CAMTA1: variants seen among roughly 807,000 people sequenced by gnomAD.
The protein encoded by CAMTA1 is calmodulin-binding transcription activator 1.
A neutral mutation model predicts 170.9 loss-of-function variants in CAMTA1; 27 were observed. That is an observed-to-expected ratio of 0.16 (90% CI 0.12 to 0.22). The LOEUF (loss-of-function observed/expected upper bound fraction) is 0.22, where lower values mean the gene tolerates loss of function less well. Ranked by LOEUF, CAMTA1 falls within the 10% of genes least tolerant of loss-of-function variation. The pLI is 1.00. For missense variants in CAMTA1, 1,619 were observed against 2,217.2 expected (o/e 0.73, Z 5.42); for synonymous variants, 833 against 891.5 (o/e 0.93, Z 1.17).
At chr1:6,889,711 G>T (rs1276312503) in intron 3 of CAMTA1, among the ~76,000 whole-genome samples, 1 of 152,120 alleles carries the variant, frequency 6.6e-6, no homozygotes, top group African/African-American at 2.4e-5. Context: ...TTTTCTTGGC[G>T]CTCTTATATT....
intron 4 of CAMTA1, among the ~76,000 whole-genome samples, chr1:7,108,306 G>C (rs189089171): frequency 4.9e-4 from 75 of 152,264 alleles, no homozygotes; most frequent in African/African-American, 1.7e-3. Context: ...TGGGAGTAAT[G>C]ATAGTACATA....
At chr1:7,181,519 A>G (rs1377400701) in intron 4 of CAMTA1, among the ~76,000 whole-genome samples, 1 of 152,166 alleles carries the variant, frequency 6.6e-6, no homozygotes, top group African/African-American at 2.4e-5. Context: ...AAATTAAACA[A>G]TAAAATCATT....
intron 6 of CAMTA1, among the ~76,000 whole-genome samples, chr1:7,595,452 TA>T (rs969198128): frequency 6.6e-6 from 1 of 152,222 alleles, no homozygotes; most frequent in Non-Finnish European, 1.5e-5. Flanking sequence ...CTTAGTGCCT[TA>T]ATTTGGTTCT....
intron 5 of CAMTA1, among the ~76,000 whole-genome samples, chr1:7,387,083 C>A (rs1207238797): frequency 2.0e-5 from 3 of 152,160 alleles, no homozygotes; most frequent in African/African-American, 7.2e-5. Context: ...GGCTCTCTTC[C>A]TGGGTCTGTC....
rs564764448 is a variant in CAMTA1, at chr1:7,251,707, C to T, written c.438+2081C>T. The stretch of plus-strand genomic sequence containing the variant: ...GGTCAAGTTGAAGAGGCTTGAAGTA[C>T]GTGAGGGTCATCAATAGTGCTGAGA... On this transcript the variant is annotated intron_variant, in intron 5 of 22. Coordinates refer to ENST00000303635, the MANE Select transcript of CAMTA1 (RefSeq NM_015215.4). This position sits in a 1 kb window ranked among gnomAD's most constrained non-coding sequence, Gnocchi z 5.1. 1.1e-4 allele frequency among the ~76,000 whole-genome samples: 16 copies of T among 152,250 alleles called. No individual in the cohort carries two copies. Among genetic ancestry groups the T allele is most frequent in the Middle Eastern group, 3.4e-3 (1 of 294 alleles).
chr1:7,225,557 C>T lies in CAMTA1; in HGVS notation c.303-23934C>T, dbSNP rs1411503635. On this transcript the variant is annotated intron_variant, in intron 4 of 22. Coordinates refer to ENST00000303635, the MANE Select transcript of CAMTA1 (RefSeq NM_015215.4). ...TGTGGGTGGGGTGTTGCTGAGAACA[C>T]CTGGGAGGGTCCATCAACAACCCAT... Among the ~76,000 whole-genome samples the T allele has an allele frequency of 2.6e-5, 4 of 152,170 alleles. No homozygotes were observed. The East Asian group carries it at 7.7e-4, about 29-fold the overall frequency.
chr1:7,315,960 T>C (rs1677430827), intron 5 of CAMTA1, among the ~76,000 whole-genome samples: 1 of 152,190 alleles, frequency 6.6e-6, no homozygotes, highest in Non-Finnish European at 1.5e-5. Context: ...TCCATATGGC[T>C]GGGGAGGCCT....
At chr1:7,669,258 CT>C (rs2096032767) in intron 9 of CAMTA1, among the ~76,000 whole-genome samples, 1 of 152,242 alleles carries the variant, frequency 6.6e-6, no homozygotes, top group Non-Finnish European at 1.5e-5. Flanking sequence ...GTGGAATATG[CT>C]TTCCAGCCTG....
intron 5 of CAMTA1, among the ~76,000 whole-genome samples, chr1:7,266,121 T>G (rs1279356482): frequency 6.6e-6 from 1 of 152,250 alleles, no homozygotes; most frequent in African/African-American, 2.4e-5. Context: ...TAAATTTGCC[T>G]TCATTGCTTA....
At chr1:6,959,215 A>G (rs974296836) in intron 3 of CAMTA1, among the ~76,000 whole-genome samples, 2 of 152,236 alleles carry the variant, frequency 1.3e-5, no homozygotes, top group African/African-American at 4.8e-5. Flanking sequence ...ATTTGTACAC[A>G]GTGTGTTCTG....
rs1237463801 is a variant in CAMTA1 at position 7,664,478 on chromosome 1, T to C, written c.1931T>C (p.Met644Thr). ...SLSDSGGTFV[M>T]PTVKTEASSQ... is the part of the protein sequence containing the mutation. ...AGTGACTCTGGGGGCACCTTCGTGATGCCCACGGTGAAAACGGAGGCCTCG... is the reference window on the plus strand; with the variant it reads ...AGTGACTCTGGGGGCACCTTCGTGACGCCCACGGTGAAAACGGAGGCCTCG... The change falls in exon 9 of 23, where the codon ATG (methionine) becomes ACG (threonine). Residue 644 changes from methionine to threonine, a missense_variant. Met to Thr is a moderately conservative substitution (Grantham distance 81, BLOSUM62 -1). Around this residue, in one of 8 missense-constraint regions of CAMTA1, gnomAD observed 731 missense variants for 907.6 expected, o/e 0.81. Coordinates refer to ENST00000303635, the MANE Select transcript of CAMTA1 (RefSeq NM_015215.4). 1 of 1,613,354 alleles carries C rather than the reference T, an allele frequency of 6.2e-7. No individual in the cohort carries two copies. Among genetic ancestry groups the C allele is most frequent in the South Asian group, 1.1e-5 (1 of 91,088 alleles).
chr1:7,370,388 TGCAGAAC>T (rs2086349305), intron 5 of CAMTA1: 1 of 152,236 alleles, frequency 6.6e-6, no homozygotes, highest in Admixed American at 6.5e-5. Flanking sequence ...TGTTTTATAG[TGCAGAAC>T]GTTTTTCTGC....
chr1:7,165,684 G>A (rs574411614), intron 4 of CAMTA1, among the ~76,000 whole-genome samples: 1 of 152,150 alleles, frequency 6.6e-6, no homozygotes, highest in Non-Finnish European at 1.5e-5. Flanking sequence ...CACCCGTCTC[G>A]TCCTCCCAAA....
chr1:6,811,569 C>G (rs1645167710), intron 1 of CAMTA1, among the ~76,000 whole-genome samples: 1 of 152,264 alleles, frequency 6.6e-6, no homozygotes, highest in East Asian at 1.9e-4. Context: ...ATTTTTTCCC[C>G]TCCGATTTGT....
intron 7 of CAMTA1, among the ~76,000 whole-genome samples, chr1:7,654,170 C>T (rs2095864454): frequency 1.3e-5 from 2 of 151,846 alleles, no homozygotes; most frequent in South Asian, 4.2e-4. Context: ...CACTTGAGGT[C>T]AGGAGTTCAA....
intron 7 of CAMTA1, among the ~76,000 whole-genome samples, chr1:7,657,268 A>G (rs1338235677): frequency 6.6e-5 from 10 of 152,210 alleles, no homozygotes; most frequent in Middle Eastern, 3.4e-3. Flanking sequence ...CCACCACCTG[A>G]GCAGACCAGG....
At chr1:6,864,439 C>T (rs1273216389) in intron 3 of CAMTA1, among the ~76,000 whole-genome samples, 2 of 152,188 alleles carry the variant, frequency 1.3e-5, no homozygotes, top group Non-Finnish European at 2.9e-5. Flanking sequence ...CAGTGGTACT[C>T]TTGTTCCCAA....
intron 3 of CAMTA1, among the ~76,000 whole-genome samples, chr1:6,826,090 A>T (rs1235905144): frequency 6.6e-6 from 1 of 152,226 alleles, no homozygotes; most frequent in Non-Finnish European, 1.5e-5. Flanking sequence ...GTTAAAAGAC[A>T]CAAGAAGAAA....
intron 6 of CAMTA1, among the ~76,000 whole-genome samples, chr1:7,582,268 G>A (rs776843637): frequency 2.0e-5 from 3 of 152,172 alleles, no homozygotes; most frequent in Non-Finnish European, 4.4e-5. Flanking sequence ...TTTGCAGAGA[G>A]CTCTCTGTCC....
Sources: allele counts gnomAD v4.1 joint callset (sites outside exome capture counted in the v4.1 genomes callset), GRCh38; gene constraint gnomAD v4.1.1; regional missense constraint gnomAD v4.1.1; non-coding constraint Gnocchi (gnomAD v3.1); transcripts MANE v1.5; gene names NCBI Gene and HGNC (gene_info 2026-07-23, HGNC 2026-07-21).